The following PCDHA2 variants were observed in gnomAD, a reference collection of about 807,000 sequenced individuals.
PCDHA2 encodes the protein protocadherin alpha 2.
Under a neutral mutation model 66.0 loss-of-function variants are expected in PCDHA2, and 58 were observed. The observed-to-expected ratio is 0.88, with a 90% CI of 0.71 to 1.09. The LOEUF (loss-of-function observed/expected upper bound fraction) is 1.09. Ranked by LOEUF, PCDHA2 falls within the 50% of genes least tolerant of loss-of-function variation. PCDHA2 has a pLI of 0.00. For missense variants in PCDHA2, 1,267 were observed against 1,242.3 expected (o/e 1.02, Z -0.30); for synonymous variants, 634 against 554.0 (o/e 1.14, Z -2.03).
intron 1 of PCDHA2, among the ~76,000 whole-genome samples, chr5:140,891,204 C>T (rs2153433269): frequency 6.6e-6 from 1 of 152,078 alleles, no homozygotes; most frequent in South Asian, 2.1e-4. Flanking sequence ...GCAGTTTTAC[C>T]ATGCTGTGTC....
At chr5:140,880,764 G>T (rs1438457004) in intron 1 of PCDHA2, among the ~76,000 whole-genome samples, 1 of 152,198 alleles carries the variant, frequency 6.6e-6, no homozygotes, top group Non-Finnish European at 1.5e-5. Context: ...GCGTGTTGGA[G>T]GCTAAAAAGA....
At chr5:140,901,137 A>T (rs2068464747) in intron 1 of PCDHA2, among the ~76,000 whole-genome samples, 1 of 151,974 alleles carries the variant, frequency 6.6e-6, no homozygotes, top group South Asian at 2.1e-4. Flanking sequence ...TAGATTGTAA[A>T]TATTTTCTCT....
Position 140,856,390 on chromosome 5 carries a change from G to A in PCDHA2, c.2388+59038G>A, listed in dbSNP as rs2043967931. On this transcript the variant is annotated intron_variant, in intron 1 of 3. Coordinates refer to ENST00000526136, the MANE Select transcript of PCDHA2 (RefSeq NM_018905.3). ...AGGTGATCGTGGACAGGCCGCTGCA[G>A]GTTTTCCATGTGGACGTGGAAGTGA... is the stretch of plus-strand genomic sequence containing the variant. 3 of 1,598,440 alleles carry A rather than the reference G, an allele frequency of 1.9e-6. 1 individual carries two copies. The highest frequency in any genetic ancestry group is 2.6e-6 in the Non-Finnish European group (3 of 1,167,994).
At chr5:140,812,829 T>G (rs1222229983) in intron 1 of PCDHA2, 2 of 152,234 alleles carry the variant, frequency 1.3e-5, no homozygotes, top group African/African-American at 4.8e-5. Context: ...GTTTTCATTT[T>G]TGTTTATCTT....
chr5:140,797,433 T>G (rs1210918310), intron 1 of PCDHA2, 81 bp downstream of exon 1: 1 of 1,380,858 alleles, frequency 7.2e-7, no homozygotes, highest in African/African-American at 1.5e-5. Context: ...GTTATTTAGA[T>G]TCATAGTTCT....
intron 1 of PCDHA2, among the ~76,000 whole-genome samples, chr5:140,934,422 A>G (rs2089824417): frequency 1.3e-5 from 2 of 152,176 alleles, no homozygotes; most frequent in South Asian, 2.1e-4. Flanking sequence ...TGCATTATCA[A>G]TGCAAGTGTA....
At chr5:140,920,249 G>A (rs782292641) in intron 1 of PCDHA2, among the ~76,000 whole-genome samples, 15 of 152,174 alleles carry the variant, frequency 9.9e-5, no homozygotes, top group Admixed American at 3.3e-4. Context: ...ACAATACATC[G>A]CTATAATAAT....
chr5:140,967,728 G>C (rs781785028), intron 1 of PCDHA2: 13 of 1,614,176 alleles, frequency 8.1e-6, no homozygotes, highest in Non-Finnish European at 1.1e-5. Flanking sequence ...CGAGTAATTG[G>C]GGGGCTGGAT....
chr5:140,907,491 C>A (rs1554193021), intron 1 of PCDHA2, among the ~76,000 whole-genome samples: 1 of 152,186 alleles, frequency 6.6e-6, no homozygotes, highest in Non-Finnish European at 1.5e-5. Flanking sequence ...AAACCCATAT[C>A]CAGAGTAAGT....
At chr5:140,923,134 G>C (rs962370475) in intron 1 of PCDHA2, among the ~76,000 whole-genome samples, 2 of 152,106 alleles carry the variant, frequency 1.3e-5, no homozygotes, top group Non-Finnish European at 1.5e-5. Flanking sequence ...CACTTTGAAG[G>C]TGGAATATAA....
Position 140,795,353 on chromosome 5 carries a change from C to A in PCDHA2, c.389C>A (p.Pro130Gln), listed in dbSNP as rs1554119389. The change falls in exon 1 of 4, where the codon CCG (proline) becomes CAG (glutamine). Residue 130 changes from proline (P) to glutamine (Q), a missense_variant. Pro to Gln is a moderately conservative substitution (Grantham distance 76). Transcript: ENST00000526136. ...EVEVKDINDN[P>Q]PIFPMTVKTI... ...GAGGTGAAGGACATTAACGACAACC[C>A]GCCAATATTTCCAATGACAGTAAAG... The A allele has an allele frequency of 3.7e-6, 6 of 1,614,002 alleles. No homozygotes were observed. Among genetic ancestry groups the A allele is most frequent in the Non-Finnish European group, 5.1e-6 (6 of 1,180,028 alleles).
At position 140,947,028 on chromosome 5, in the gene PCDHA2, T is replaced by C. The variant is rs111523441; in HGVS notation, c.2389-31921T>C. Among the ~76,000 whole-genome samples the C allele has an allele frequency of 4.6e-3, 693 of 151,852 alleles. 1 individual carries two copies. Among genetic ancestry groups the C allele is most frequent in the Middle Eastern group, 6.8e-3 (2 of 294 alleles). ...AATGATAAATGTTTGAGGTAATGGA[T>C]ATACTAATTACCCTGATTTGATCAT... On this transcript the variant is annotated intron_variant, in intron 1 of 3. Transcript: ENST00000526136.
Position 140,927,704 on chromosome 5 carries a change from C to T in PCDHA2, c.2389-51245C>T, listed in dbSNP as rs782172290. ...GGGTCCAATGGGGAAGTCCAGTACT[C>T]CCTAAGCAACAGCACGCAAGCAGAG... On this transcript the variant is annotated intron_variant, in intron 1 of 3. Coordinates refer to ENST00000526136, the MANE Select transcript of PCDHA2 (RefSeq NM_018905.3). 6.2e-6 allele frequency: 10 copies of T among 1,614,072 alleles called. No homozygotes were observed. In the Admixed American group the frequency reaches 1.2e-4, roughly 19 times the overall value.
At chr5:140,970,327 A>AGCATG (rs2096397524) in intron 1 of PCDHA2, among the ~76,000 whole-genome samples, 1 of 152,204 alleles carries the variant, frequency 6.6e-6, no homozygotes, top group African/African-American at 2.4e-5. Context: ...GTACTTCCAA[A>AGCATG]GCATGCATTC....
In PCDHA2 at chr5:141,011,141, A is replaced by G. The variant is rs1039778930; in HGVS notation, c.*1204A>G. 3.9e-5 allele frequency: 6 copies of G among 153,668 alleles called. No homozygotes were observed. In the Admixed American group the frequency reaches 3.9e-4, roughly 10 times the overall value. The allele number at this position is 153,668 out of a possible 1,614,324, so 9.5% of individuals were successfully genotyped here. On this transcript the variant is annotated 3_prime_UTR_variant, in exon 4 of 4. Coordinates refer to ENST00000526136, the MANE Select transcript of PCDHA2 (RefSeq NM_018905.3). Reference sequence around the variant, plus strand: ...ACAATTATGTGCACTTTGATACACAACCTTCTCTAACCAACTATATATCAA... The same window carrying G: ...ACAATTATGTGCACTTTGATACACAGCCTTCTCTAACCAACTATATATCAA...
At chr5:140,989,865 C>T (rs1209207256) in intron 3 of PCDHA2, among the ~76,000 whole-genome samples, 1 of 152,034 alleles carries the variant, frequency 6.6e-6, no homozygotes, top group Non-Finnish European at 1.5e-5. Flanking sequence ...AGGAATCTTT[C>T]TCTGCCTCAG....
chr5:141,002,246 C>G (rs1217451636), intron 3 of PCDHA2, among the ~76,000 whole-genome samples: 1 of 152,190 alleles, frequency 6.6e-6, no homozygotes, highest in Non-Finnish European at 1.5e-5. Flanking sequence ...CTTTATTAAC[C>G]TCAGCACTGA....
At chr5:140,803,178 G>A (rs781920190) in intron 1 of PCDHA2, 3 of 1,613,740 alleles carry the variant, frequency 1.9e-6, no homozygotes, top group African/African-American at 2.7e-5. Flanking sequence ...CTCATTGACC[G>A]CCACGGCCAC....
chr5:140,809,528 G>C (rs781993408), intron 1 of PCDHA2: 10 of 1,614,046 alleles, frequency 6.2e-6, no homozygotes, highest in Non-Finnish European at 7.6e-6. Flanking sequence ...TGACTCTAGG[G>C]ACAGAGAAGA....
Sources: gnomAD v4.1 joint callset for allele counts (sites outside exome capture counted in the v4.1 genomes callset) on GRCh38, gnomAD v4.1.1 for gene constraint, MANE v1.5 for transcripts, NCBI Gene and HGNC (gene_info 2026-07-23, HGNC 2026-07-21) for gene names.